Variants in FIGN observed in about 807,000 individuals in gnomAD.
The protein encoded by FIGN is fidgetin.
A neutral mutation model predicts 51.3 loss-of-function variants in FIGN; 11 were observed. The ratio of observed to expected loss-of-function variants is 0.21; its 90% CI spans 0.13 to 0.35. The LOEUF is 0.35. FIGN is among the 10% of genes least tolerant of loss of function. The probability of loss-of-function intolerance (pLI) is 1.00; values close to 1 mark genes in which losing one functional copy is unlikely to be tolerated. For missense variants in FIGN, 857 were observed against 943.6 expected (o/e 0.91, Z 1.20); for synonymous variants, 407 against 363.2 (o/e 1.12, Z -1.37).
intron 2 of FIGN, among the ~76,000 whole-genome samples, chr2:163,618,053 G>A (rs1281099543): frequency 6.6e-6 from 1 of 152,138 alleles, no homozygotes; most frequent in Non-Finnish European, 1.5e-5. Context: ...CAGTGGGACT[G>A]TTGGTTCCAA....
intron 2 of FIGN, among the ~76,000 whole-genome samples, chr2:163,645,274 A>T (rs1025337837): frequency 1.3e-5 from 2 of 152,150 alleles, no homozygotes; most frequent in African/African-American, 4.8e-5. Context: ...TAGATCATGA[A>T]AGCGGAATGT....
At chr2:163,677,815 CATT>C (rs1353445266) in intron 2 of FIGN, among the ~76,000 whole-genome samples, 2 of 152,206 alleles carry the variant, frequency 1.3e-5, no homozygotes, top group African/African-American at 4.8e-5. Flanking sequence ...GTCACTTAGA[CATT>C]TTAACCTTTC....
chr2:163,673,286 G>A (rs1347869762), intron 2 of FIGN, among the ~76,000 whole-genome samples: 1 of 152,080 alleles, frequency 6.6e-6, no homozygotes, highest in African/African-American at 2.4e-5. Flanking sequence ...GTCCCTGAGG[G>A]AAGAAAGCTA....
intron 2 of FIGN, among the ~76,000 whole-genome samples, chr2:163,728,562 G>A (rs1684876458): frequency 6.6e-6 from 1 of 152,100 alleles, no homozygotes; most frequent in Non-Finnish European, 1.5e-5. Context: ...AAGAGCAGGA[G>A]ATACTTAATG....
intron 2 of FIGN, among the ~76,000 whole-genome samples, chr2:163,647,954 T>C (rs1399771540): frequency 6.6e-6 from 1 of 151,682 alleles, no homozygotes; most frequent in Non-Finnish European, 1.5e-5. Flanking sequence ...GTGTAATAGA[T>C]AGATTAATAA....
At position 163,611,309 on chromosome 2, in the gene FIGN, T is replaced by A; in HGVS notation, c.523A>T (p.Ser175Cys). ...TGAGATGGGAGCCCTGCATGAAGACTGGGTACAGTGTGGCTTCCACAGGTA... is the reference window on the plus strand; with the variant it reads ...TGAGATGGGAGCCCTGCATGAAGACAGGGTACAGTGTGGCTTCCACAGGTA... Reference protein sequence around the residue: ...SSTCGSHTVPSLHAGLPSQEY... With the variant: ...SSTCGSHTVPCLHAGLPSQEY... The change falls in exon 3 of 3, where the codon AGT becomes TGT. Residue 175 changes from serine (S) to cysteine (C), a missense_variant. Ser to Cys is a moderately radical substitution (Grantham distance 112). Around this residue, in one of 3 missense-constraint regions of FIGN, gnomAD observed 799 missense variants for 849.5 expected, o/e 0.94. Transcript: ENST00000333129. The A allele has an allele frequency of 3.7e-6, 6 of 1,614,158 alleles. No individual in the cohort carries two copies. Among genetic ancestry groups the A allele is most frequent in the Non-Finnish European group, 5.1e-6 (6 of 1,180,026 alleles).
intron 2 of FIGN, among the ~76,000 whole-genome samples, chr2:163,686,110 A>G (rs1684144319): frequency 1.3e-5 from 2 of 152,234 alleles, no homozygotes; most frequent in South Asian, 4.1e-4. Context: ...TGACTGAGAA[A>G]TGGTGTCATA....
intron 2 of FIGN, among the ~76,000 whole-genome samples, chr2:163,725,253 A>T (rs1298940286): frequency 2.0e-5 from 3 of 152,090 alleles, no homozygotes; most frequent in Admixed American, 1.3e-4. Context: ...AATATCAAAA[A>T]TTTTTTAAAA....
chr2:163,676,609 G>A (rs756735481), intron 2 of FIGN, among the ~76,000 whole-genome samples: 1 of 151,258 alleles, frequency 6.6e-6, no homozygotes, highest in African/African-American at 2.4e-5. Flanking sequence ...AATAATAAAT[G>A]TCATTTTGTA....
intron 2 of FIGN, chr2:163,617,343 G>T: frequency 2.0e-6 from 1 of 506,688 alleles, no homozygotes; most frequent in Non-Finnish European, 2.6e-6. Flanking sequence ...AATAAAAGAT[G>T]AACTATGTAC....
At chr2:163,677,662 T>C (rs141270911) in intron 2 of FIGN, among the ~76,000 whole-genome samples, 1 of 152,230 alleles carries the variant, frequency 6.6e-6, no homozygotes, top group Non-Finnish European at 1.5e-5. Flanking sequence ...AAAAAAGGAT[T>C]CTTTCAAATT....
intron 2 of FIGN, among the ~76,000 whole-genome samples, chr2:163,668,155 C>A (rs1278111230): frequency 6.6e-6 from 1 of 151,982 alleles, no homozygotes; most frequent in Non-Finnish European, 1.5e-5. Context: ...GCAGAAAAGT[C>A]ATCTTCCAAC....
At chr2:163,677,428 T>C (rs1683990408) in intron 2 of FIGN, among the ~76,000 whole-genome samples, 1 of 152,212 alleles carries the variant, frequency 6.6e-6, no homozygotes, top group Admixed American at 6.5e-5. Context: ...CTGTCCAATA[T>C]AGCAGCCACT....
At chr2:163,697,430 T>TC (rs1200626283) in intron 2 of FIGN, among the ~76,000 whole-genome samples, 1 of 151,968 alleles carries the variant, frequency 6.6e-6, no homozygotes, top group Non-Finnish European at 1.5e-5. Context: ...TGTGTCCATC[T>TC]CCCCCAACCC....
chr2:163,635,451 T>A (rs1019144456), intron 2 of FIGN, among the ~76,000 whole-genome samples: 8 of 152,128 alleles, frequency 5.3e-5, no homozygotes, highest in Non-Finnish European at 8.8e-5. Context: ...ATGCCTGCAG[T>A]CTCATTTATT....
At chr2:163,661,887 A>G (rs1327001302) in intron 2 of FIGN, among the ~76,000 whole-genome samples, 3 of 152,176 alleles carry the variant, frequency 2.0e-5, no homozygotes, top group African/African-American at 7.2e-5. Context: ...TGTAAGTCCA[A>G]CTAAACCTCT....
Position 163,704,656 on chromosome 2 carries a change from T to TCACA in FIGN, c.25+30243_25+30246dup, listed in dbSNP as rs369275881. Reference sequence around the variant, plus strand: ...CTCTCTCTCTCTCTCTCTCTCTCTCTCACACACACACACACACACACACAC... The same window carrying TCACA: ...CTCTCTCTCTCTCTCTCTCTCTCTCTCACACACACACACACACACACACACACAC... On this transcript the variant is annotated intron_variant, in intron 2 of 2. Coordinates refer to ENST00000333129, the MANE Select transcript of FIGN (RefSeq NM_018086.4). 1.5e-4 allele frequency among the ~76,000 whole-genome samples: 19 copies of TCACA among 129,712 alleles called. 1 individual carries two copies. Among genetic ancestry groups the TCACA allele is most frequent in the African/African-American group, 6.0e-4 (19 of 31,684 alleles). 85.1% of individuals were successfully genotyped at this position (129,712 alleles called of 152,430 possible). A position where few individuals can be genotyped will look rare whatever the true frequency, so the allele number is the denominator to read the frequency against.
At chr2:163,723,982 C>G (rs1684799541) in intron 2 of FIGN, among the ~76,000 whole-genome samples, 1 of 152,124 alleles carries the variant, frequency 6.6e-6, no homozygotes, top group African/African-American at 2.4e-5. Context: ...AAATATTTTG[C>G]ATCTTTTAGA....
intron 2 of FIGN, among the ~76,000 whole-genome samples, chr2:163,629,586 A>G (rs1020519600): frequency 2.0e-5 from 3 of 152,140 alleles, no homozygotes; most frequent in Admixed American, 6.5e-5. Context: ...ACTACGTCAA[A>G]TCTAGCAGGC....
Sources: allele counts gnomAD v4.1 joint callset (sites outside exome capture counted in the v4.1 genomes callset), GRCh38; gene constraint gnomAD v4.1.1; regional missense constraint gnomAD v4.1.1; transcripts MANE v1.5; gene names NCBI Gene and HGNC (gene_info 2026-07-23, HGNC 2026-07-21).